Variants in ENTREP2 observed in about 807,000 individuals in gnomAD.
The protein encoded by ENTREP2 is endosomal transmembrane epsin interactor 2.
At chr15:29,596,669 AT>A in the ENTREP2 span, among the ~76,000 whole-genome samples, 1 of 151,400 alleles carries the variant, frequency 6.6e-6, no homozygotes. Flanking sequence ...AATTATTTTT[AT>A]TTTTTTATTT....
the ENTREP2 span, among the ~76,000 whole-genome samples, chr15:29,147,485 C>T: frequency 2.0e-5 from 3 of 149,820 alleles, no homozygotes; most frequent in African/African-American, 4.9e-5. Context: ...TAAGTGTTGG[C>T]GTGGATGTGA....
At chr15:29,205,397 A>G in the ENTREP2 span, among the ~76,000 whole-genome samples, 2 of 152,172 alleles carry the variant, frequency 1.3e-5, no homozygotes, top group Non-Finnish European at 2.9e-5. Flanking sequence ...AAATGTCATA[A>G]TGTTTTCCAC....
chr15:29,283,657 G>A, the ENTREP2 span, among the ~76,000 whole-genome samples: 7 of 152,286 alleles, frequency 4.6e-5, no homozygotes, highest in East Asian at 1.4e-3. Flanking sequence ...AGGGACAGTG[G>A]TTTGAAGGAA....
the ENTREP2 span, among the ~76,000 whole-genome samples, chr15:29,195,796 A>AT: frequency 6.6e-6 from 1 of 152,156 alleles, no homozygotes; most frequent in African/African-American, 2.4e-5. Flanking sequence ...AAGTGCTGGG[A>AT]TTACAGGCGT....
the ENTREP2 span, among the ~76,000 whole-genome samples, chr15:29,652,365 C>G: frequency 5.9e-5 from 9 of 152,334 alleles, no homozygotes; most frequent in Non-Finnish European, 7.3e-5. Flanking sequence ...CAGTAAAGCT[C>G]CTCTTCATCT....
the ENTREP2 span, among the ~76,000 whole-genome samples, chr15:29,207,198 A>G: frequency 6.6e-6 from 1 of 152,022 alleles, no homozygotes; most frequent in Non-Finnish European, 1.5e-5. Context: ...AAGCCGGCCC[A>G]TTATTGGGGT....
At chr15:29,637,057 A>C in the ENTREP2 span, among the ~76,000 whole-genome samples, 1 of 152,196 alleles carries the variant, frequency 6.6e-6, no homozygotes, top group Non-Finnish European at 1.5e-5. Flanking sequence ...CAGGACAGGA[A>C]GATAAGTAAA....
the ENTREP2 span, among the ~76,000 whole-genome samples, chr15:29,429,732 G>A: frequency 3.3e-5 from 5 of 152,166 alleles, no homozygotes; most frequent in Admixed American, 6.5e-5. Context: ...CTGAAACTAC[G>A]GACCCCGTAG....
the ENTREP2 span, among the ~76,000 whole-genome samples, chr15:29,278,369 G>T: frequency 0.053 from 8,079 of 152,290 alleles, 648 homozygotes; most frequent in African/African-American, 0.17. Context: ...TGTGCTGGCA[G>T]AAGCCCGTGT....
the ENTREP2 span, among the ~76,000 whole-genome samples, chr15:29,129,548 T>C: frequency 1.3e-5 from 2 of 152,178 alleles, no homozygotes; most frequent in Non-Finnish European, 2.9e-5. Context: ...AGTGGTGCAA[T>C]CATAGCTCAC....
At chr15:29,592,046 T>C in the ENTREP2 span, among the ~76,000 whole-genome samples, 1 of 152,294 alleles carries the variant, frequency 6.6e-6, no homozygotes, top group East Asian at 1.9e-4. Context: ...GACACCTTGA[T>C]CTTGGACTTC....
At chr15:29,278,289 G>A in the ENTREP2 span, among the ~76,000 whole-genome samples, 15 of 152,202 alleles carry the variant, frequency 9.9e-5, no homozygotes, top group African/African-American at 1.9e-4. Flanking sequence ...AGTTGCATGC[G>A]GAGAAGAGGG....
At chr15:29,467,258 A>C in the ENTREP2 span, among the ~76,000 whole-genome samples, 1 of 152,148 alleles carries the variant, frequency 6.6e-6, no homozygotes, top group African/African-American at 2.4e-5. Context: ...GGAGTGAACA[A>C]TGGACAAGAA....
the ENTREP2 span, among the ~76,000 whole-genome samples, chr15:29,521,994 T>C: frequency 6.6e-6 from 1 of 152,168 alleles, no homozygotes; most frequent in African/African-American, 2.4e-5. Context: ...AAAAAAATCT[T>C]TGATAGAGGT....
the ENTREP2 span, among the ~76,000 whole-genome samples, chr15:29,628,734 G>GT: frequency 5.9e-5 from 9 of 152,092 alleles, no homozygotes; most frequent in Non-Finnish European, 1.2e-4. Context: ...ATCACTGTGT[G>GT]TTTTTGGATG....
At chr15:29,223,737 G>A in the ENTREP2 span, among the ~76,000 whole-genome samples, 3,113 of 152,218 alleles carry the variant, frequency 0.02, 121 homozygotes, top group African/African-American at 0.071. Context: ...TGGAAAGGTA[G>A]CCAGAGAGGC....
the ENTREP2 span, chr15:29,269,365 TGCTTCAGTATGTCGGCCC>T: frequency 6.2e-7 from 1 of 1,614,190 alleles, no homozygotes; most frequent in South Asian, 1.1e-5. Context: ...CCCGATGACG[TGCTTCAGTATGTCGGCCC>T]GCTTGATCGG....
chr15:29,508,481 A>C, the ENTREP2 span, among the ~76,000 whole-genome samples: 2 of 152,218 alleles, frequency 1.3e-5, no homozygotes, highest in African/African-American at 2.4e-5. Context: ...CCTGATGAAC[A>C]CCAATGCGAA....
the ENTREP2 span, among the ~76,000 whole-genome samples, chr15:29,132,193 G>C: frequency 6.6e-6 from 1 of 152,162 alleles, no homozygotes; most frequent in African/African-American, 2.4e-5. Flanking sequence ...TGCCTCGCCC[G>C]GGCTGCGGGG....
Sources: allele counts gnomAD v4.1 joint callset (sites outside exome capture counted in the v4.1 genomes callset), GRCh38; gene constraint gnomAD v4.1.1; transcripts MANE v1.5; gene names NCBI Gene and HGNC (gene_info 2026-07-23, HGNC 2026-07-21).